The following COPG2 variants were observed in gnomAD, a reference collection of about 807,000 sequenced individuals.
The protein encoded by COPG2 is coatomer subunit gamma-2.
COPG2 carries 37 observed loss-of-function variants against 46.3 expected under a neutral mutation model. The observed-to-expected ratio is 0.80, with a 90% CI of 0.61 to 1.05. The LOEUF (loss-of-function observed/expected upper bound fraction) is 1.05. Among genes scored for constraint, COPG2 ranks in the 50% least tolerant of loss-of-function variants. The pLI is 0.00. For synonymous variants in COPG2, 159 were observed against 129.7 expected, an observed-to-expected ratio of 1.23 and a Z score of -1.53; for missense variants, 427 against 387.8, an observed-to-expected ratio of 1.10 and a Z score of -0.85.
At chr7:130,656,724 T>C (rs1370317784) in intron 4 of COPG2, among the ~76,000 whole-genome samples, 2 of 152,048 alleles carry the variant, frequency 1.3e-5, no homozygotes, top group Non-Finnish European at 2.9e-5. Flanking sequence ...CTATCTACTT[T>C]AGGGGTAAAT....
At chr7:130,547,168 C>T (rs1202113018) in intron 20 of COPG2, 2 of 152,296 alleles carry the variant, frequency 1.3e-5, no homozygotes, top group African/African-American at 2.4e-5. Context: ...TGTGGACACA[C>T]ATGGTTGGCT....
intron 5 of COPG2, among the ~76,000 whole-genome samples, chr7:130,638,522 C>T (rs1795391744): frequency 6.6e-6 from 1 of 152,168 alleles, no homozygotes; most frequent in South Asian, 2.1e-4. Context: ...TTTGTTTATA[C>T]TGTGAGCGGA....
chr7:130,562,918 C>T (rs1793740248), intron 11 of COPG2, among the ~76,000 whole-genome samples: 1 of 152,172 alleles, frequency 6.6e-6, no homozygotes, highest in Non-Finnish European at 1.5e-5. Context: ...TGTCCAACAG[C>T]CACTGACCAC....
chr7:130,541,102 G>A (rs1799931748), intron 20 of COPG2, among the ~76,000 whole-genome samples: 1 of 152,152 alleles, frequency 6.6e-6, no homozygotes, highest in African/African-American at 2.4e-5. Flanking sequence ...GCTGATGGAG[G>A]CATCAGGGTC....
chr7:130,509,024 T>C (rs782414822), intron 20 of COPG2: 10 of 454,012 alleles, frequency 2.2e-5, no homozygotes, highest in East Asian at 6.2e-5. Context: ...CTGTAGGACC[T>C]GACCAAAAAA....
At chr7:130,663,730 CTTTTTTTTTTTTTT>C (rs71178602) in intron 3 of COPG2, among the ~76,000 whole-genome samples, 1 of 67,158 alleles carries the variant, frequency 1.5e-5, no homozygotes, top group East Asian at 5.1e-4. Flanking sequence ...CATTTCTTTT[CTTTTTTTTTTTTTT>C]TTTTTTTTTT....
At chr7:130,539,481 T>A (rs1008775868) in intron 20 of COPG2, among the ~76,000 whole-genome samples, 2 of 151,780 alleles carry the variant, frequency 1.3e-5, no homozygotes, top group Non-Finnish European at 2.9e-5. Context: ...AGAGAGAGGA[T>A]GGAAAAGTTT....
chr7:130,582,730 A>C (rs1794177573), intron 9 of COPG2, among the ~76,000 whole-genome samples: 1 of 151,352 alleles, frequency 6.6e-6, no homozygotes. Context: ...TTATGCAGCC[A>C]AAAAACACAT....
chr7:130,549,488 T>C, intron 17 of COPG2, 112 bp from the exon 18 acceptor site: 1 of 396,936 alleles, frequency 2.5e-6, no homozygotes. Context: ...TAATGAGCTA[T>C]TACTAGATCA....
At chr7:130,558,878 G>T (rs1048010901) in intron 12 of COPG2, among the ~76,000 whole-genome samples, 3 of 152,066 alleles carry the variant, frequency 2.0e-5, no homozygotes, top group Non-Finnish European at 4.4e-5. Flanking sequence ...GGATAAGATT[G>T]AATCTGTTTA....
intron 20 of COPG2, among the ~76,000 whole-genome samples, chr7:130,542,256 C>T (rs1489403213): frequency 4.7e-5 from 7 of 149,176 alleles, no homozygotes; most frequent in African/African-American, 1.3e-4. Flanking sequence ...GGGTAAGACA[C>T]GGAAGGAATG....
Position 130,611,007 on chromosome 7 carries a change from G to C in COPG2, c.683C>G (p.Ala228Gly). Residue 228 changes from alanine to glycine, a missense_variant, in exon 9 of 24, where the codon GCT becomes GGT. Physicochemically the swap from Ala to Gly is moderately conservative, Grantham distance 60. Transcript: ENST00000425248. ...FTKSGLKSQF[A>G]YCMLIRIASR... ...GGCAATTCGGATCAGCATGCAGTAA[G>C]CAAACTGTGACTTGAGACCAGATTT... 6.2e-7 allele frequency: 1 copy of C among 1,613,912 alleles called. No individual in the cohort carries two copies. Among genetic ancestry groups the C allele is most frequent in the South Asian group, 1.1e-5 (1 of 91,084 alleles).
At chr7:130,583,738 C>T (rs1205484946) in intron 9 of COPG2, among the ~76,000 whole-genome samples, 12 of 123,316 alleles carry the variant, frequency 9.7e-5, no homozygotes, top group Non-Finnish European at 1.4e-4. Context: ...CCCTGGGAGG[C>T]GGAGGTTGCA....
chr7:130,653,276 C>G (rs1052523609), intron 4 of COPG2, among the ~76,000 whole-genome samples: 2 of 152,064 alleles, frequency 1.3e-5, no homozygotes, highest in Non-Finnish European at 2.9e-5. Flanking sequence ...TTTTTTGAGA[C>G]AGAGTTACGC....
intron 9 of COPG2, among the ~76,000 whole-genome samples, chr7:130,586,607 C>T (rs1298857288): frequency 6.6e-6 from 1 of 151,946 alleles, no homozygotes; most frequent in Non-Finnish European, 1.5e-5. Flanking sequence ...GGACTACAGG[C>T]ACCCGCCACC....
chr7:130,667,815 C>G (rs1796118438), intron 1 of COPG2, among the ~76,000 whole-genome samples: 1 of 151,496 alleles, frequency 6.6e-6, no homozygotes, highest in African/African-American at 2.5e-5. Context: ...TGTGTCATTT[C>G]CACAACAACG....
chr7:130,591,179 C>T (rs1431997934), intron 9 of COPG2, among the ~76,000 whole-genome samples: 2 of 121,454 alleles, frequency 1.6e-5, no homozygotes, highest in Admixed American at 8.1e-5. Flanking sequence ...CCGCCCCGTC[C>T]GGGAGGTGAG....
At chr7:130,583,535 A>G (rs1426401934) in intron 9 of COPG2, among the ~76,000 whole-genome samples, 2 of 143,998 alleles carry the variant, frequency 1.4e-5, no homozygotes, top group Non-Finnish European at 3.0e-5. Flanking sequence ...GGCCTGGTGC[A>G]GTGGCTCACG....
Position 130,506,516 on chromosome 7 carries a change from G to T in COPG2, c.*160C>A. The T allele has an allele frequency of 2.2e-6, 1 of 445,668 alleles. No individual in the cohort carries two copies. Among genetic ancestry groups the T allele is most frequent in the Non-Finnish European group, 4.0e-6 (1 of 251,516 alleles). The allele number at this position is 445,668 out of a possible 1,614,324, so 27.6% of individuals were successfully genotyped here. A position where few individuals can be genotyped will look rare whatever the true frequency, so the allele number is the denominator to read the frequency against. On this transcript the variant is annotated 3_prime_UTR_variant, in exon 24 of 24. Transcript: ENST00000425248. ...AAAAAAAAAACAACCCATGCGCAAA[G>T]ATAGACATTTGCTTGATCTGCTGGC... is the stretch of plus-strand genomic sequence containing the variant.
Sources: gnomAD v4.1 joint callset for allele counts (sites outside exome capture counted in the v4.1 genomes callset) on GRCh38, gnomAD v4.1.1 for gene constraint, MANE v1.5 for transcripts, NCBI Gene and HGNC (gene_info 2026-07-23, HGNC 2026-07-21) for gene names.